HP: variants seen among roughly 807,000 people sequenced by gnomAD.
HP encodes haptoglobin, also known as haptoglobin alpha(1S)-beta.
A neutral mutation model predicts 23.2 loss-of-function variants in HP; 9 were observed. The ratio of observed to expected loss-of-function variants is 0.39; its 90% CI spans 0.23 to 0.68. The LOEUF (loss-of-function observed/expected upper bound fraction) is 0.68. Among genes scored for constraint, HP ranks in the 30% least tolerant of loss-of-function variants. HP has a pLI of 0.47. For missense variants in HP, 433 were observed against 483.6 expected (o/e 0.90, Z 0.98); for synonymous variants, 155 against 183.3 (o/e 0.85, Z 1.25).
rs375280570 is a variant in HP at position 72,056,221 on chromosome 16, C to A, written c.66C>A (p.Gly22=). 6.2e-7 allele frequency: 1 copy of A among 1,613,858 alleles called. No individual in the cohort carries two copies. ...LWGQLFAVDS[G]NDVTDIADDG... ...GACAGCTTTTTGCAGTGGACTCAGG[C>A]AATGATGTCACGGATATCGCAGGTC... The change falls in exon 2 of 7, where the codon GGC becomes GGA. Residue 22 remains glycine, a synonymous_variant. Transcript: ENST00000355906.
Position 72,060,589 on chromosome 16 carries a change from A to G in HP, c.920A>G (p.Asp307Gly), listed in dbSNP as rs776877500. 1 of 1,614,136 alleles carries G rather than the reference A, an allele frequency of 6.2e-7. No homozygotes were observed. The highest frequency in any genetic ancestry group is 8.5e-7 in the Non-Finnish European group (1 of 1,180,038). ...GTCATGCTGCCTGTGGCTGACCAAG[A>G]CCAATGCATAAGGCATTATGAAGGC... ...KYVMLPVADQ[D>G]QCIRHYEGST... Residue 307 changes from aspartate to glycine, a missense_variant, in exon 7 of 7, where the codon GAC becomes GGC. Around this residue, in one of 3 missense-constraint regions of HP, gnomAD observed 326 missense variants for 358.1 expected, o/e 0.91. Transcript: ENST00000355906.
rs779422253 is a variant in HP, at chr16:72,060,429, C to A, written c.760C>A (p.Gln254Lys). The change falls in exon 7 of 7, where the codon CAG becomes AAG. Residue 254 changes from glutamine (Q) to lysine (K), a missense_variant. Physicochemically the swap from Gln to Lys is moderately conservative, Grantham distance 53 (BLOSUM62 1). Transcript: ENST00000355906. ...QVDIGLIKLK[Q>K]KVSVNERVMP... ...AGATATTGGGCTCATCAAACTCAAA[C>A]AGAAGGTGTCTGTTAATGAGAGAGT... 6.2e-7 allele frequency: 1 copy of A among 1,614,168 alleles called. No individual in the cohort carries two copies. The highest frequency in any genetic ancestry group is 8.5e-7 in the Non-Finnish European group (1 of 1,180,036).
chr16:72,060,443 T>C lies in HP; in HGVS notation c.774T>C (p.Val258=). Residue 258 remains valine, a synonymous_variant, in exon 7 of 7, where the codon GTT becomes GTC. Transcript: ENST00000355906. The part of the protein sequence containing the change: ...GLIKLKQKVS[V]NERVMPICLP... ...TCAAACTCAAACAGAAGGTGTCTGT[T>C]AATGAGAGAGTGATGCCCATCTGCC... 1 of 1,614,136 alleles carries C rather than the reference T, an allele frequency of 6.2e-7. No individual in the cohort carries two copies.
At chr16:72,059,220 GCGTCCAGCGGGGAA>G (rs1567584467) in intron 6 of HP, 32 bp downstream of exon 6, 2 of 1,563,850 alleles carry the variant, frequency 1.3e-6, no homozygotes, top group Admixed American at 3.4e-5. Context: ...GAGCAGGCAG[GCGTCCAGCGGGGAA>G]CGTCCTAGAG....
chr16:72,059,041 T>C (rs2041497860), intron 5 of HP, 73 bp from the exon 6 acceptor site: 7 of 1,416,060 alleles, frequency 4.9e-6, no homozygotes, highest in Non-Finnish European at 6.9e-6. Context: ...TTCTTCTCTT[T>C]AAATGCCTTC....
In HP at chr16:72,060,391, A is replaced by G; in HGVS notation, c.722A>G (p.Asn241Ser). 2 of 1,614,180 alleles carry G rather than the reference A, an allele frequency of 1.2e-6. No homozygotes were observed. Among genetic ancestry groups the G allele is most frequent in the Non-Finnish European group, 1.7e-6 (2 of 1,180,042 alleles). Residue 241 changes from asparagine (N) to serine (S), a missense_variant, in exon 7 of 7, where the codon AAC (asparagine) becomes AGC (serine). Around this residue, in one of 3 missense-constraint regions of HP, gnomAD observed 326 missense variants for 358.1 expected, o/e 0.91. Transcript: ENST00000355906. ...VEIEKVVLHP[N>S]YSQVDIGLIK... ...ATTGAGAAGGTTGTTCTACACCCTA[A>G]CTACTCCCAGGTAGATATTGGGCTC... is the stretch of plus-strand genomic sequence containing the variant.
Position 72,056,526 on chromosome 16 carries a change from G to T in HP, c.89-4G>T. 1 of 1,514,186 alleles carries T rather than the reference G, an allele frequency of 6.6e-7. No homozygotes were observed. The highest frequency in any genetic ancestry group is 8.9e-7 in the Non-Finnish European group (1 of 1,120,848). The allele number at this position is 1,514,186 out of a possible 1,614,324, so 93.8% of individuals were successfully genotyped here. ...CAAACTCTCTGGCTTCTCTCTCTTT[G>T]CAGATGACGGCTGCCCGAAGCCCCC... On this transcript the variant is annotated splice_region_variant and splice_polypyrimidine_tract_variant and intron_variant, in intron 2 of 6. Transcript: ENST00000355906.
Position 72,056,726 on chromosome 16 carries a change from C to T in HP, c.190+95C>T, listed in dbSNP as rs532145948. ...TGCTGAGGTGATTCGCCAGAAAGTT[C>T]GTTGCTCTCCTTGGAGCCAGGAGAT... On this transcript the variant is annotated intron_variant, in intron 3 of 6. Coordinates refer to ENST00000355906, the MANE Select transcript of HP (RefSeq NM_005143.5). The T allele has an allele frequency of 7.9e-4, 417 of 527,332 alleles. 4 individuals carry two copies. The highest frequency in any genetic ancestry group is 7.7e-3 in the South Asian group (361 of 47,028). 32.7% of individuals were successfully genotyped at this position (527,332 alleles called of 1,614,324 possible).
Position 72,056,146 on chromosome 16 carries a change from G to A in HP, c.6-15G>A, listed in dbSNP as rs1468845162. ...GGAGACTAGCTTTCCACTCCTCCTTGTCTTCTCTCTGCAGTGCCCTGGGAG... is the reference window on the plus strand; with the variant it reads ...GGAGACTAGCTTTCCACTCCTCCTTATCTTCTCTCTGCAGTGCCCTGGGAG... On this transcript the variant is annotated splice_polypyrimidine_tract_variant and intron_variant, in intron 1 of 6. Transcript: ENST00000355906. 1.2e-6 allele frequency: 2 copies of A among 1,612,678 alleles called. No individual in the cohort carries two copies. The highest frequency in any genetic ancestry group is 4.5e-5 in the East Asian group (2 of 44,752).
chr16:72,056,552 C>T lies in HP; in HGVS notation c.111C>T (p.Pro37=), dbSNP rs771954033. ...CAGATGACGGCTGCCCGAAGCCCCC[C>T]GAGATTGCACATGGCTATGTGGAGC... ...DIADDGCPKP[P]EIAHGYVEHS... is the part of the protein sequence containing the mutation. The change falls in exon 3 of 7, where the codon CCC becomes CCT. Residue 37 remains proline (P), a synonymous_variant. Transcript: ENST00000355906. The T allele has an allele frequency of 6.3e-5, 94 of 1,487,120 alleles. No individual in the cohort carries two copies. The highest frequency in any genetic ancestry group is 7.6e-5 in the African/African-American group (5 of 65,830). 92.1% of individuals were successfully genotyped at this position (1,487,120 alleles called of 1,614,324 possible). A position where few individuals can be genotyped will look rare whatever the true frequency, so the allele number is the denominator to read the frequency against.
Position 72,060,117 on chromosome 16 carries a change from G to A in HP, c.448G>A (p.Gly150Arg). 6.2e-7 allele frequency: 1 copy of A among 1,612,804 alleles called. No homozygotes were observed. Among genetic ancestry groups the A allele is most frequent in the Non-Finnish European group, 8.5e-7 (1 of 1,179,462 alleles). ...TGTCTTGCTCTCCTTGACAGTATGTGGGAAGCCCAAGAATCCGGCAAACCC... is the reference window on the plus strand; with the variant it reads ...TGTCTTGCTCTCCTTGACAGTATGTAGGAAGCCCAAGAATCCGGCAAACCC... ...DKLPECEAVC[G>R]KPKNPANPVQ... Residue 150 changes from glycine (G) to arginine (R), a missense_variant, in exon 7 of 7, where the codon GGG becomes AGG. Coordinates refer to ENST00000355906, the MANE Select transcript of HP (RefSeq NM_005143.5).
Position 72,060,999 on chromosome 16 carries a change from G to A in HP, c.*109G>A. The A allele has an allele frequency of 7.8e-7, 1 of 1,286,698 alleles. No individual in the cohort carries two copies. Among genetic ancestry groups the A allele is most frequent in the Non-Finnish European group, 1.1e-6 (1 of 941,470 alleles). The allele number at this position is 1,286,698 out of a possible 1,614,324, so 79.7% of individuals were successfully genotyped here. ...ATGCGATAAGATGTGGTTTGAAGCT[G>A]ATGGGTGCCAGCCCTGCATTGCTGA... On this transcript the variant is annotated 3_prime_UTR_variant, in exon 7 of 7. Coordinates refer to ENST00000355906, the MANE Select transcript of HP (RefSeq NM_005143.5).
In HP at chr16:72,056,617, G is replaced by A. The variant is rs751924863; in HGVS notation, c.176G>A (p.Arg59His). The part of the protein sequence containing the change: ...RYQCKNYYKL[R>H]TEGDGVYTLN... Reference sequence around the variant, plus strand: ...CAGTGTAAGAACTACTACAAACTGCGCACAGAAGGAGATGGTAAGATGTGG... The same window carrying A: ...CAGTGTAAGAACTACTACAAACTGCACACAGAAGGAGATGGTAAGATGTGG... The change falls in exon 3 of 7, where the codon CGC becomes CAC. Residue 59 changes from arginine (R) to histidine (H), a missense_variant. Transcript: ENST00000355906. 153 of 1,209,834 alleles carry A rather than the reference G, an allele frequency of 1.3e-4. No homozygotes were observed. Among genetic ancestry groups the A allele is most frequent in the South Asian group, 7.6e-4 (57 of 74,634 alleles). 74.9% of individuals were successfully genotyped at this position (1,209,834 alleles called of 1,614,324 possible).
intron 2 of HP, 92 bp from the exon 3 acceptor site, chr16:72,056,438 A>C: frequency 6.4e-7 from 1 of 1,558,462 alleles, no homozygotes; most frequent in Admixed American, 1.9e-5. Context: ...AAGGAGATTG[A>C]TGTGCAGAGC....
At chr16:72,056,383 GA>G in intron 2 of HP, 140 bp downstream of exon 2, 1 of 1,570,152 alleles carries the variant, frequency 6.4e-7, no homozygotes, top group Non-Finnish European at 8.7e-7. Flanking sequence ...GTTCCTGCCA[GA>G]AATGAGGGGA....
At chr16:72,055,175 TTGTCACCA>T (rs2041440555) in intron 1 of HP, 1 of 180,438 alleles carries the variant, frequency 5.5e-6, no homozygotes, top group Non-Finnish European at 1.2e-5. Flanking sequence ...GAGTCTCGCT[TTGTCACCA>T]GGCTGCAGTG....
rs1284323375 is a variant in HP, at chr16:72,058,296, T to C, written c.308T>C (p.Val103Ala). 3 of 880,488 alleles carry C rather than the reference T, an allele frequency of 3.4e-6. 1 individual carries two copies. Among genetic ancestry groups the C allele is most frequent in the Non-Finnish European group, 4.9e-6 (3 of 607,876 alleles). The allele number at this position is 880,488 out of a possible 1,614,324, so 54.5% of individuals were successfully genotyped here. Reference sequence around the variant, plus strand: ...CCCCCCGAGATTGCACATGGCTATGTGGAGCACTCGGTTCGCTACCAGTGT... The same window carrying C: ...CCCCCCGAGATTGCACATGGCTATGCGGAGCACTCGGTTCGCTACCAGTGT... ...PKPPEIAHGY[V>A]EHSVRYQCKN... The change falls in exon 5 of 7, where the codon GTG becomes GCG. Residue 103 changes from valine (V) to alanine (A), a missense_variant. Transcript: ENST00000355906.
In HP at chr16:72,060,120, A is replaced by G. The variant is rs756990949; in HGVS notation, c.451A>G (p.Lys151Glu). ...CTTGCTCTCCTTGACAGTATGTGGGAAGCCCAAGAATCCGGCAAACCCAGT... is the reference window on the plus strand; with the variant it reads ...CTTGCTCTCCTTGACAGTATGTGGGGAGCCCAAGAATCCGGCAAACCCAGT... ...KLPECEAVCG[K>E]PKNPANPVQR... The change falls in exon 7 of 7, where the codon AAG becomes GAG. Residue 151 changes from lysine to glutamate, a missense_variant. Coordinates refer to ENST00000355906, the MANE Select transcript of HP (RefSeq NM_005143.5). 10 of 1,612,946 alleles carry G rather than the reference A, an allele frequency of 6.2e-6. No individual in the cohort carries two copies. The highest frequency in any genetic ancestry group is 7.6e-6 in the Non-Finnish European group (9 of 1,179,570).
rs1330369691 is a variant in HP at position 72,060,617 on chromosome 16, C to A, written c.948C>A (p.Ser316Arg). 6.2e-7 allele frequency: 1 copy of A among 1,614,070 alleles called. No individual in the cohort carries two copies. Among genetic ancestry groups the A allele is most frequent in the Non-Finnish European group, 8.5e-7 (1 of 1,180,052 alleles). Reference protein sequence around the residue: ...QDQCIRHYEGSTVPEKKTPKS... With the variant: ...QDQCIRHYEGRTVPEKKTPKS... ...AATGCATAAGGCATTATGAAGGCAG[C>A]ACAGTCCCCGAAAAGAAGACACCGA... Residue 316 changes from serine to arginine, a missense_variant, in exon 7 of 7, where the codon AGC (serine) becomes AGA (arginine). Coordinates refer to ENST00000355906, the MANE Select transcript of HP (RefSeq NM_005143.5).
Sources: gnomAD v4.1 joint callset for allele counts on GRCh38, gnomAD v4.1.1 for gene constraint, gnomAD v4.1.1 regional missense constraint, MANE v1.5 for transcripts, NCBI Gene and HGNC (gene_info 2026-07-23, HGNC 2026-07-21) for gene names.